The following HOXA5 variants were observed in gnomAD, a reference collection of about 807,000 sequenced individuals.
The protein encoded by HOXA5 is homeobox A5, also known as homeobox protein Hox-A5.
In HOXA5, 12 loss-of-function variants were observed where a neutral mutation model predicts 20.0. The observed-to-expected ratio is 0.60, with a 90% CI of 0.38 to 0.97. HOXA5 has a LOEUF of 0.97. Among genes scored for constraint, HOXA5 ranks in the 50% least tolerant of loss-of-function variants. The pLI, the probability that HOXA5 is intolerant of heterozygous loss-of-function variation, is 0.00. For missense variants in HOXA5, 352 were observed against 380.3 expected (o/e 0.93, Z 0.62); for synonymous variants, 159 against 157.7 (o/e 1.01, Z -0.06).
chr7:27,143,058 G>A lies in HOXA5; in HGVS notation c.550C>T (p.His184Tyr), dbSNP rs767519501. Residue 184 changes from histidine to tyrosine, a missense_variant, in exon 1 of 2, where the codon CAC becomes TAC. Around this residue, in one of 3 missense-constraint regions of HOXA5, gnomAD observed 319 missense variants for 336.5 expected, o/e 0.95. Transcript: ENST00000222726. Reference sequence around the variant, plus strand: ...AGGCTGGCTTTACCATGACTTATGTGCAGCTTGCGCATCCAGGGGTAGATC... The same window carrying A: ...AGGCTGGCTTTACCATGACTTATGTACAGCTTGCGCATCCAGGGGTAGATC... ...PQIYPWMRKL[H>Y]ISHDNIGGPE... The A allele has an allele frequency of 3.9e-6, 6 of 1,529,252 alleles. No homozygotes were observed. The highest frequency in any genetic ancestry group is 5.2e-6 in the Non-Finnish European group (6 of 1,144,446). The allele number at this position is 1,529,252 out of a possible 1,614,324, so 94.7% of individuals were successfully genotyped here. A position where few individuals can be genotyped will look rare whatever the true frequency, so the allele number is the denominator to read the frequency against.
In HOXA5 at chr7:27,141,256, T is replaced by G. The variant is rs764234150; in HGVS notation, c.*579A>C. The G allele has an allele frequency of 2.0e-5, 3 of 152,404 alleles. No homozygotes were observed. Among genetic ancestry groups the G allele is most frequent in the Non-Finnish European group, 4.4e-5 (3 of 68,162 alleles). The allele number at this position is 152,404 out of a possible 1,614,324, so 9.4% of individuals were successfully genotyped here. A position where few individuals can be genotyped will look rare whatever the true frequency, so the allele number is the denominator to read the frequency against. On this transcript the variant is annotated 3_prime_UTR_variant, in exon 2 of 2. Transcript: ENST00000222726. ...CCACTTCCAGAGTTCGTGCAAAGGGTCCTATAAAGGCACGCAGGGACACAC... is the reference window on the plus strand; with the variant it reads ...CCACTTCCAGAGTTCGTGCAAAGGGGCCTATAAAGGCACGCAGGGACACAC...
rs530915132 is a variant in HOXA5 at position 27,142,876 on chromosome 7, C to A, written c.562+170G>T. The A allele has an allele frequency of 3.5e-5, 22 of 626,532 alleles. No individual in the cohort carries two copies. The South Asian group carries it at 5.1e-4, about 15-fold the overall frequency. 38.8% of individuals were successfully genotyped at this position (626,532 alleles called of 1,614,324 possible). A position where few individuals can be genotyped will look rare whatever the true frequency, so the allele number is the denominator to read the frequency against. On this transcript the variant is annotated intron_variant, in intron 1 of 1. Transcript: ENST00000222726. ...ACTATTTGTGAGCGCAGGGTGCTCGCAAAGAAGAGGAGGAAGGAGGAAGGC... is the reference window on the plus strand; with the variant it reads ...ACTATTTGTGAGCGCAGGGTGCTCGAAAAGAAGAGGAGGAAGGAGGAAGGC...
At chr7:27,142,609 T>C (rs943740658) in intron 1 of HOXA5, 2 of 191,178 alleles carry the variant, frequency 1.0e-5, no homozygotes, top group Admixed American at 5.7e-5. Flanking sequence ...CTCGATTCTT[T>C]CCCCCAAGCC....
rs143040629 is a variant in HOXA5, at chr7:27,143,543, T to C, written c.65A>G (p.His22Arg). 8 of 1,612,386 alleles carry C rather than the reference T, an allele frequency of 5.0e-6. No individual in the cohort carries two copies. The highest frequency in any genetic ancestry group is 1.3e-5 in the African/African-American group (1 of 74,790). The change falls in exon 1 of 2, where the codon CAT becomes CGT. Residue 22 changes from histidine (H) to arginine (R), a missense_variant. Coordinates refer to ENST00000222726, the MANE Select transcript of HOXA5 (RefSeq NM_019102.4). ...CACGGAACTATGATCTCCATAATTA[T>C]GCAACTGGTAGTCCGGGCCATTTGG... is the stretch of plus-strand genomic sequence containing the variant. Reference protein sequence around the residue: ...RYPNGPDYQLHNYGDHSSVSE... With the variant: ...RYPNGPDYQLRNYGDHSSVSE...
Position 27,143,212 on chromosome 7 carries a change from G to A in HOXA5, c.396C>T (p.Ala132=), listed in dbSNP as rs1232156152. The part of the protein sequence containing the change: ...LSNSSGASAD[A]GSTHISSREG... ...CTCTGCTGCTGATGTGGGTGCTGCC[G>A]GCGTCGGCCGAGGCGCCGCTGGAGT... The change falls in exon 1 of 2, where the codon GCC becomes GCT. Residue 132 remains alanine, a synonymous_variant. Coordinates refer to ENST00000222726, the MANE Select transcript of HOXA5 (RefSeq NM_019102.4). 1.9e-6 allele frequency: 3 copies of A among 1,610,484 alleles called. No homozygotes were observed. Among genetic ancestry groups the A allele is most frequent in the Admixed American group, 3.3e-5 (2 of 59,890 alleles).
At chr7:27,142,922 G>A in intron 1 of HOXA5, 124 bp downstream of exon 1, 2 of 897,822 alleles carry the variant, frequency 2.2e-6, no homozygotes, top group Non-Finnish European at 3.4e-6. Flanking sequence ...GAACGGCAAG[G>A]AGAGCTCCGC....
rs1265669583 is a variant in HOXA5, at chr7:27,141,201, C to CAT, written c.*632_*633dup. The CAT allele has an allele frequency of 7.2e-6, 1 of 139,140 alleles. No individual in the cohort carries two copies. The highest frequency in any genetic ancestry group is 2.7e-5 in the African/African-American group (1 of 37,342). 8.6% of individuals were successfully genotyped at this position (139,140 alleles called of 1,614,324 possible). On this transcript the variant is annotated 3_prime_UTR_variant, in exon 2 of 2. Transcript: ENST00000222726. Reference sequence around the variant, plus strand: ...ATATTTGTAACTTTGTTCACAAAAACATACATCACTGAAGCTGCGCTTATA... The same window carrying CAT: ...ATATTTGTAACTTTGTTCACAAAAACATATACATCACTGAAGCTGCGCTTATA...
At chr7:27,143,016 C>G in intron 1 of HOXA5, 30 bp downstream of exon 1, 1 of 1,493,070 alleles carries the variant, frequency 6.7e-7, no homozygotes, top group African/African-American at 1.5e-5. Context: ...TCCCCGCGGT[C>G]GCGTGGATTT....
intron 1 of HOXA5, among the ~76,000 whole-genome samples, chr7:27,142,364 G>T (rs1317153534): frequency 6.6e-6 from 1 of 152,144 alleles, no homozygotes; most frequent in Admixed American, 6.5e-5. Flanking sequence ...GCCCTGCCCC[G>T]GGCGCCCCGA....
At position 27,141,951 on chromosome 7, in the gene HOXA5, A is replaced by G. The variant is rs1473321001; in HGVS notation, c.697T>C (p.Cys233Arg). Residue 233 changes from cysteine to arginine, a missense_variant, in exon 2 of 2, where the codon TGC becomes CGC. Coordinates refer to ENST00000222726, the MANE Select transcript of HOXA5 (RefSeq NM_019102.4). ...ATTTTAATTTGTCTCTCGGAGAGGC[A>G]AAGAGCATGTGCTATTTCAATCCTC... Reference protein sequence around the residue: ...RRRIEIAHALCLSERQIKIWF... With the variant: ...RRRIEIAHALRLSERQIKIWF... 7 of 1,614,232 alleles carry G rather than the reference A, an allele frequency of 4.3e-6. No homozygotes were observed. Among genetic ancestry groups the G allele is most frequent in the Non-Finnish European group, 5.1e-6 (6 of 1,180,036 alleles).
chr7:27,142,068 C>G lies in HOXA5; in HGVS notation c.580G>C (p.Glu194Gln). ...TAGGCCGTCCGGGCCCTTTTGCCTT[C>G]CGGGCCGCCTATGTTGTCTGCAATA... is the stretch of plus-strand genomic sequence containing the variant. ...HISHDNIGGP[E>Q]GKRARTAYTR... The change falls in exon 2 of 2, where the codon GAA (glutamate) becomes CAA (glutamine). Residue 194 changes from glutamate (E) to glutamine (Q), a missense_variant. Physicochemically the swap from Glu to Gln is conservative, Grantham distance 29 (BLOSUM62 2). Coordinates refer to ENST00000222726, the MANE Select transcript of HOXA5 (RefSeq NM_019102.4). The G allele has an allele frequency of 1.2e-6, 2 of 1,613,804 alleles. No homozygotes were observed. The highest frequency in any genetic ancestry group is 1.7e-6 in the Non-Finnish European group (2 of 1,179,998).
rs191986702 is a variant in HOXA5 at position 27,141,376 on chromosome 7, C to A, written c.*459G>T. 767 of 159,224 alleles carry A rather than the reference C, an allele frequency of 4.8e-3. 9 individuals carry two copies. The highest frequency in any genetic ancestry group is 0.017 in the African/African-American group (711 of 41,564). The allele number at this position is 159,224 out of a possible 1,614,324, so 9.9% of individuals were successfully genotyped here. A position where few individuals can be genotyped will look rare whatever the true frequency, so the allele number is the denominator to read the frequency against. On this transcript the variant is annotated 3_prime_UTR_variant, in exon 2 of 2. Transcript: ENST00000222726. Reference sequence around the variant, plus strand: ...GTCACCTCTACAACAGCATTAATTACACAAGGAATATAGGTAGTTTGAATA... The same window carrying A: ...GTCACCTCTACAACAGCATTAATTAAACAAGGAATATAGGTAGTTTGAATA...
chr7:27,141,453 A>T lies in HOXA5; in HGVS notation c.*382T>A, dbSNP rs562682994. The T allele has an allele frequency of 9.0e-5, 18 of 200,034 alleles. No individual in the cohort carries two copies. Among genetic ancestry groups the T allele is most frequent in the Non-Finnish European group, 1.6e-4 (16 of 97,750 alleles). 12.4% of individuals were successfully genotyped at this position (200,034 alleles called of 1,614,324 possible). A position where few individuals can be genotyped will look rare whatever the true frequency, so the allele number is the denominator to read the frequency against. ...TTGAGACAGGAACACTTCCACGCAC[A>T]TGCACAGTTAAACAACTTGAGTGCA... On this transcript the variant is annotated 3_prime_UTR_variant, in exon 2 of 2. Coordinates refer to ENST00000222726, the MANE Select transcript of HOXA5 (RefSeq NM_019102.4).
At position 27,143,371 on chromosome 7, in the gene HOXA5, C is replaced by T. The variant is rs1420866914; in HGVS notation, c.237G>A (p.Ala79=). The part of the protein sequence containing the change: ...RARSYAASAS[A]APAEPRYSQP... ...GGCTGTACCTGGGCTCGGCGGGCGC[C>T]GCGCTGGCGCTGGCAGCGTAGCTGC... The change falls in exon 1 of 2, where the codon GCG becomes GCA. Residue 79 remains alanine (A), a synonymous_variant. Coordinates refer to ENST00000222726, the MANE Select transcript of HOXA5 (RefSeq NM_019102.4). 2.5e-6 allele frequency: 4 copies of T among 1,588,292 alleles called. No homozygotes were observed. The highest frequency in any genetic ancestry group is 1.1e-5 in the South Asian group (1 of 89,208).
rs528578706 is a variant in HOXA5 at position 27,141,386 on chromosome 7, A to G, written c.*449T>C. The G allele has an allele frequency of 6.1e-6, 1 of 163,178 alleles. No individual in the cohort carries two copies. The highest frequency in any genetic ancestry group is 2.4e-5 in the African/African-American group (1 of 41,642). 10.1% of individuals were successfully genotyped at this position (163,178 alleles called of 1,614,324 possible). ...CAACAGCATTAATTACACAAGGAATATAGGTAGTTTGAATAAAAATATCTT... is the reference window on the plus strand; with the variant it reads ...CAACAGCATTAATTACACAAGGAATGTAGGTAGTTTGAATAAAAATATCTT... On this transcript the variant is annotated 3_prime_UTR_variant, in exon 2 of 2. Transcript: ENST00000222726.
intron 1 of HOXA5, 64 bp downstream of exon 1, chr7:27,142,982 A>C: frequency 3.6e-6 from 5 of 1,395,532 alleles, no homozygotes; most frequent in Non-Finnish European, 4.8e-6. Flanking sequence ...GCGGCAGAGA[A>C]GAGAGGGGGG....
In HOXA5 at chr7:27,141,942, C is replaced by T; in HGVS notation, c.706G>A (p.Glu236Lys). Residue 236 changes from glutamate to lysine, a missense_variant, in exon 2 of 2, where the codon GAG (glutamate) becomes AAG (lysine). This residue lies in a region of HOXA5 where 319 missense variants were observed against 336.5 expected (regional missense o/e 0.95). Coordinates refer to ENST00000222726, the MANE Select transcript of HOXA5 (RefSeq NM_019102.4). ...TGGAACCAGATTTTAATTTGTCTCT[C>T]GGAGAGGCAAAGAGCATGTGCTATT... ...IEIAHALCLS[E>K]RQIKIWFQNR... The T allele has an allele frequency of 6.2e-7, 1 of 1,614,222 alleles. No individual in the cohort carries two copies. The highest frequency in any genetic ancestry group is 8.5e-7 in the Non-Finnish European group (1 of 1,180,036).
At position 27,141,113 on chromosome 7, in the gene HOXA5, CAAAAAAAAAAAAAA is replaced by C. The variant is rs147485948; in HGVS notation, c.*708_*721del. 18 of 82,918 alleles carry C rather than the reference CAAAAAAAAAAAAAA, an allele frequency of 2.2e-4. No individual in the cohort carries two copies. The highest frequency in any genetic ancestry group is 1.3e-3 in the Admixed American group (10 of 7,538). The allele number at this position is 82,918 out of a possible 1,614,324, so 5.1% of individuals were successfully genotyped here. ...AGTATTTTTTCCTTAAAAACAAATA[CAAAAAAAAAAAAAA>C]AAAAAAAAAAGCTGATCACAGTTTG... On this transcript the variant is annotated 3_prime_UTR_variant, in exon 2 of 2. Coordinates refer to ENST00000222726, the MANE Select transcript of HOXA5 (RefSeq NM_019102.4).
In HOXA5 at chr7:27,143,105, G is replaced by C. The variant is rs746416761; in HGVS notation, c.503C>G (p.Pro168Arg). The change falls in exon 1 of 2, where the codon CCG becomes CGG. Residue 168 changes from proline to arginine, a missense_variant. Transcript: ENST00000222726. ...GATCTGGGGTTGGGCGGGCGGCGCCGGGCTCGGCTCGCTCTGCGCACTCGC... is the reference window on the plus strand; with the variant it reads ...GATCTGGGGTTGGGCGGGCGGCGCCCGGCTCGGCTCGCTCTGCGCACTCGC... Reference protein sequence around the residue: ...EQASAQSEPSPAPPAQPQIYP... With the variant: ...EQASAQSEPSRAPPAQPQIYP... 3.2e-6 allele frequency: 5 copies of C among 1,570,298 alleles called. No individual in the cohort carries two copies. Among genetic ancestry groups the C allele is most frequent in the Non-Finnish European group, 4.3e-6 (5 of 1,163,654 alleles).
Sources: gnomAD v4.1 joint callset for allele counts (sites outside exome capture counted in the v4.1 genomes callset) on GRCh38, gnomAD v4.1.1 for gene constraint, gnomAD v4.1.1 regional missense constraint, MANE v1.5 for transcripts, NCBI Gene and HGNC (gene_info 2026-07-23, HGNC 2026-07-21) for gene names.